The following NPFFR2 variants were observed in gnomAD, a reference collection of about 807,000 sequenced individuals.
NPFFR2 encodes G-protein coupled receptor 74.
Under a neutral mutation model 13.1 loss-of-function variants are expected in NPFFR2, and 15 were observed. The ratio of observed to expected loss-of-function variants is 1.15; its 90% CI spans 0.77 to 1.76. NPFFR2 has a LOEUF of 1.76. Ranked by LOEUF, NPFFR2 falls within the 40% of genes most tolerant of loss-of-function variation. NPFFR2 has a pLI of 0.00. For missense variants in NPFFR2, 572 were observed against 503.5 expected (o/e 1.14, Z -1.30); for synonymous variants, 190 against 175.7 (o/e 1.08, Z -0.65).
At chr4:72,097,133 C>G (rs1347749387) in intron 1 of NPFFR2, among the ~76,000 whole-genome samples, 1 of 151,984 alleles carries the variant, frequency 6.6e-6, no homozygotes, top group Non-Finnish European at 1.5e-5. Flanking sequence ...ACATATCTTT[C>G]TAAAGTACAT....
chr4:72,097,464 G>T (rs1721105973), intron 1 of NPFFR2, among the ~76,000 whole-genome samples: 1 of 152,036 alleles, frequency 6.6e-6, no homozygotes, highest in South Asian at 2.1e-4. Flanking sequence ...AGCTCATAAG[G>T]TAACCAAGCT....
chr4:72,105,146 A>G (rs967287211), intron 1 of NPFFR2, among the ~76,000 whole-genome samples: 5 of 151,700 alleles, frequency 3.3e-5, no homozygotes, highest in Non-Finnish European at 5.9e-5. Context: ...TAAATTAAGG[A>G]GAAAGTAGCC....
At chr4:72,082,000 G>A (rs539466374) in intron 1 of NPFFR2, among the ~76,000 whole-genome samples, 7 of 152,160 alleles carry the variant, frequency 4.6e-5, no homozygotes, top group African/African-American at 1.7e-4. Flanking sequence ...CTAAGATCAA[G>A]CCTTGTCAGG....
chr4:72,143,634 G>C (rs987106770), intron 3 of NPFFR2, among the ~76,000 whole-genome samples: 9 of 152,158 alleles, frequency 5.9e-5, no homozygotes, highest in Non-Finnish European at 1.0e-4. Context: ...CCTTGGCCCA[G>C]TCAAGTCGAT....
At chr4:72,076,961 A>C (rs931911397) in intron 1 of NPFFR2, among the ~76,000 whole-genome samples, 1 of 152,208 alleles carries the variant, frequency 6.6e-6, no homozygotes. Context: ...AAGAAAGAGT[A>C]AAATATTGTT....
intron 1 of NPFFR2, among the ~76,000 whole-genome samples, chr4:72,081,243 G>T (rs960495435): frequency 6.6e-6 from 1 of 152,072 alleles, no homozygotes; most frequent in Non-Finnish European, 1.5e-5. Flanking sequence ...ATTTGTTTCT[G>T]TATCATCTGT....
intron 1 of NPFFR2, among the ~76,000 whole-genome samples, chr4:72,121,736 G>A (rs1234794484): frequency 6.6e-6 from 1 of 152,124 alleles, no homozygotes; most frequent in African/African-American, 2.4e-5. Context: ...TGCCTTACAA[G>A]AGCTCCTGAA....
At chr4:72,116,285 C>T (rs573881924) in intron 1 of NPFFR2, among the ~76,000 whole-genome samples, 21 of 151,884 alleles carry the variant, frequency 1.4e-4, no homozygotes, top group African/African-American at 4.3e-4. Context: ...AGTAGAATTC[C>T]ACTGTTAAGG....
At chr4:72,090,406 C>A (rs1720886933) in intron 1 of NPFFR2, among the ~76,000 whole-genome samples, 1 of 151,956 alleles carries the variant, frequency 6.6e-6, no homozygotes, top group Non-Finnish European at 1.5e-5. Context: ...TTATAGATTG[C>A]TTTTGGTAGT....
intron 1 of NPFFR2, among the ~76,000 whole-genome samples, chr4:72,102,557 G>C (rs916710437): frequency 1.6e-5 from 2 of 128,600 alleles, no homozygotes; most frequent in African/African-American, 6.1e-5. Flanking sequence ...CCCGGTGTGT[G>C]ATGTTCCCCT....
chr4:72,142,021 C>T (rs1722641956), intron 3 of NPFFR2, among the ~76,000 whole-genome samples: 1 of 152,132 alleles, frequency 6.6e-6, no homozygotes, highest in South Asian at 2.1e-4. Context: ...CAATGGCCTT[C>T]TTTGTCTCTT....
chr4:72,053,531 A>G (rs1719653146), intron 1 of NPFFR2, among the ~76,000 whole-genome samples: 1 of 151,872 alleles, frequency 6.6e-6, no homozygotes, highest in African/African-American at 2.4e-5. Context: ...ATTTATTACC[A>G]TGTATTTTGT....
At chr4:72,065,025 C>T (rs781254223) in intron 1 of NPFFR2, among the ~76,000 whole-genome samples, 9 of 151,290 alleles carry the variant, frequency 5.9e-5, no homozygotes, top group Non-Finnish European at 8.8e-5. Context: ...AATATCAATG[C>T]ATCCAAGTTG....
At chr4:72,070,569 G>C (rs775690336) in intron 1 of NPFFR2, among the ~76,000 whole-genome samples, 2 of 137,210 alleles carry the variant, frequency 1.5e-5, no homozygotes, top group East Asian at 7.2e-4. Flanking sequence ...GTGGGGGGGG[G>C]GGGTGGGGCT....
intron 1 of NPFFR2, among the ~76,000 whole-genome samples, chr4:72,044,995 AT>A (rs1177701385): frequency 3.3e-5 from 5 of 151,460 alleles, no homozygotes; most frequent in Admixed American, 6.6e-5. Flanking sequence ...TTGTTTCCCT[AT>A]TTTTTTCTAG....
chr4:72,089,500 A>G (rs113587264), intron 1 of NPFFR2, among the ~76,000 whole-genome samples: 1,586 of 151,964 alleles, frequency 0.01, 27 homozygotes, highest in Non-Finnish European at 0.014. Context: ...ATTTTTTGAT[A>G]TTTTGATTAT....
At chr4:72,055,998 A>G (rs1470734246) in intron 1 of NPFFR2, among the ~76,000 whole-genome samples, 2 of 152,016 alleles carry the variant, frequency 1.3e-5, no homozygotes, top group African/African-American at 4.8e-5. Context: ...ATAAAAGTCA[A>G]AGGTGAAGCA....
chr4:72,139,968 T>C (rs1428925853), intron 3 of NPFFR2, among the ~76,000 whole-genome samples: 2 of 152,188 alleles, frequency 1.3e-5, no homozygotes, highest in Non-Finnish European at 2.9e-5. Flanking sequence ...GAAGAGGTCC[T>C]TCACATCCCT....
chr4:72,089,244 G>T (rs1046144646), intron 1 of NPFFR2, among the ~76,000 whole-genome samples: 1 of 152,076 alleles, frequency 6.6e-6, no homozygotes, highest in East Asian at 1.9e-4. Flanking sequence ...TGGGCATTTG[G>T]CTGGTTCCAT....
Sources: allele counts gnomAD v4.1 joint callset (sites outside exome capture counted in the v4.1 genomes callset), GRCh38; gene constraint gnomAD v4.1.1; transcripts MANE v1.5; gene names NCBI Gene and HGNC (gene_info 2026-07-23, HGNC 2026-07-21).